Variants in DPP6 observed in about 807,000 individuals in gnomAD.
DPP6 encodes the protein dipeptidyl peptidase like 6.
Under a neutral mutation model 122.6 loss-of-function variants are expected in DPP6, and 69 were observed. The ratio of observed to expected loss-of-function variants is 0.56; its 90% CI spans 0.46 to 0.69. The LOEUF (loss-of-function observed/expected upper bound fraction) is 0.69, where lower values mean the gene tolerates loss of function less well. Ranked by LOEUF, DPP6 falls within the 30% of genes least tolerant of loss-of-function variation. DPP6 has a pLI of 0.00. For synonymous variants in DPP6, 418 were observed against 433.1 expected, an observed-to-expected ratio of 0.97 and a Z score of 0.43; for missense variants, 928 against 1,116.9, an observed-to-expected ratio of 0.83 and a Z score of 2.41.
intron 1 of DPP6, among the ~76,000 whole-genome samples, chr7:154,074,949 A>G (rs1803450311): frequency 6.6e-6 from 1 of 151,302 alleles, no homozygotes; most frequent in African/African-American, 2.4e-5. Flanking sequence ...ACTCAAACAA[A>G]TCAGCAAGAA....
intron 1 of DPP6, among the ~76,000 whole-genome samples, chr7:154,187,055 A>C (rs1798386110): frequency 6.6e-6 from 1 of 152,142 alleles, no homozygotes; most frequent in Non-Finnish European, 1.5e-5. Context: ...TCTGGTGAAA[A>C]AGCCTGTGTG....
At chr7:153,982,869 G>A (rs1206817909) in intron 1 of DPP6, among the ~76,000 whole-genome samples, 2 of 152,224 alleles carry the variant, frequency 1.3e-5, no homozygotes, top group Non-Finnish European at 2.9e-5. Context: ...GGTATCACCA[G>A]TGAAGGCTGC....
chr7:154,557,618 C>T (rs1410774995), intron 4 of DPP6, among the ~76,000 whole-genome samples: 2 of 152,114 alleles, frequency 1.3e-5, no homozygotes, highest in Non-Finnish European at 2.9e-5. Context: ...ACCCTCCTAA[C>T]ATAAACAACT....
chr7:154,061,954 C>CAT (rs1563155256), intron 1 of DPP6, among the ~76,000 whole-genome samples: 5 of 107,472 alleles, frequency 4.7e-5, no homozygotes, highest in African/African-American at 7.0e-5. Flanking sequence ...GGCAACCCTG[C>CAT]GAGGGTGGGG....
At chr7:154,386,669 G>A (rs537335630) in intron 1 of DPP6, among the ~76,000 whole-genome samples, 4 of 152,242 alleles carry the variant, frequency 2.6e-5, no homozygotes, top group African/African-American at 9.6e-5. Flanking sequence ...CTCTCCACTG[G>A]ATTACCCTGT....
chr7:154,511,066 G>A (rs1342784922), intron 3 of DPP6, among the ~76,000 whole-genome samples: 1 of 152,026 alleles, frequency 6.6e-6, no homozygotes, highest in East Asian at 1.9e-4. Flanking sequence ...CTCCAGTAAG[G>A]AATGTATTTT....
chr7:154,540,295 G>A (rs1174447446), intron 3 of DPP6, among the ~76,000 whole-genome samples: 1 of 152,142 alleles, frequency 6.6e-6, no homozygotes, highest in Non-Finnish European at 1.5e-5. Flanking sequence ...TGTTCCAAAG[G>A]TTTTCGGTGT....
At chr7:154,496,077 A>G (rs1190701028) in intron 3 of DPP6, among the ~76,000 whole-genome samples, 2 of 152,270 alleles carry the variant, frequency 1.3e-5, no homozygotes, top group Admixed American at 1.3e-4. Context: ...TTAAATTTTC[A>G]TAAAGAAGAA....
At position 154,857,782 on chromosome 7, in the gene DPP6, G is replaced by A. The variant is rs186768767; in HGVS notation, c.1714+3955G>A. The stretch of plus-strand genomic sequence containing the variant: ...GTCCACAGCATGTGGTTTGCGGGGG[G>A]ATGTGCATATCAGGCAGCCGACAAA... On this transcript the variant is annotated intron_variant, in intron 17 of 25. Transcript: ENST00000377770. Among the ~76,000 whole-genome samples, 1,047 of 152,296 alleles carry A rather than the reference G, an allele frequency of 6.9e-3. 9 individuals are homozygous for A. The highest frequency in any genetic ancestry group is 0.017 in the Middle Eastern group (5 of 294).
chr7:154,798,784 TG>T (rs1337366780), intron 12 of DPP6, among the ~76,000 whole-genome samples: 4 of 152,262 alleles, frequency 2.6e-5, no homozygotes, highest in Admixed American at 2.6e-4. Context: ...CTTATGACAT[TG>T]TTTTTTTCGT....
At chr7:153,998,356 G>C (rs1797539117) in intron 1 of DPP6, among the ~76,000 whole-genome samples, 1 of 152,118 alleles carries the variant, frequency 6.6e-6, no homozygotes, top group Non-Finnish European at 1.5e-5. Context: ...ATAAATCCTT[G>C]CTCTTCTCAG....
chr7:154,073,525 A>C (rs1306510001), intron 1 of DPP6, among the ~76,000 whole-genome samples: 2 of 152,252 alleles, frequency 1.3e-5, no homozygotes, highest in African/African-American at 4.8e-5. Flanking sequence ...CCACCAGCCC[A>C]GAAGACTCAA....
At chr7:153,929,777 T>C (rs1801090099) in intron 1 of DPP6, among the ~76,000 whole-genome samples, 5 of 152,180 alleles carry the variant, frequency 3.3e-5, no homozygotes, top group Admixed American at 3.3e-4. Flanking sequence ...TAAATTACTG[T>C]TTGAATTGTA....
chr7:154,562,016 G>A (rs1262756330), intron 4 of DPP6, among the ~76,000 whole-genome samples: 3 of 152,094 alleles, frequency 2.0e-5, no homozygotes, highest in South Asian at 4.1e-4. Flanking sequence ...AAACATTTAT[G>A]TAAGAAATAG....
intron 1 of DPP6, among the ~76,000 whole-genome samples, chr7:153,984,206 G>GT (rs1375980515): frequency 6.6e-6 from 1 of 151,990 alleles, no homozygotes; most frequent in Non-Finnish European, 1.5e-5. Context: ...TATCTCAATT[G>GT]TTAGGTCAGA....
intron 1 of DPP6, among the ~76,000 whole-genome samples, chr7:154,150,459 C>T (rs1796355654): frequency 6.6e-6 from 1 of 152,196 alleles, no homozygotes; most frequent in Admixed American, 6.5e-5. Context: ...TACTGAAAAA[C>T]AGAGCAAAAG....
At position 154,749,243 on chromosome 7, in the gene DPP6, A is replaced by C. The variant is rs79537239; in HGVS notation, c.884-20174A>C. Reference sequence around the variant, plus strand: ...CATAGGACAGGAGGGAGAGGGATGGAGGCTTTACTGAGAGAGGGTGAGGGA... The same window carrying C: ...CATAGGACAGGAGGGAGAGGGATGGCGGCTTTACTGAGAGAGGGTGAGGGA... On this transcript the variant is annotated intron_variant, in intron 8 of 25. Transcript: ENST00000377770. Among the ~76,000 whole-genome samples, 399 of 87,494 alleles carry C rather than the reference A, an allele frequency of 4.6e-3. 2 individuals are homozygous for C. The highest frequency in any genetic ancestry group is 0.013 in the African/African-American group (248 of 18,794). 57.4% of individuals were successfully genotyped at this position (87,494 alleles called of 152,430 possible). A position where few individuals can be genotyped will look rare whatever the true frequency, so the allele number is the denominator to read the frequency against.
At chr7:154,608,102 C>T in intron 5 of DPP6, among the ~76,000 whole-genome samples, 1 of 147,010 alleles carries the variant, frequency 6.8e-6, no homozygotes, top group African/African-American at 2.5e-5. Context: ...GCCTCAGCCT[C>T]CCAAGTAGCT....
chr7:154,701,245 C>G (rs1394289981), intron 7 of DPP6, among the ~76,000 whole-genome samples: 1 of 152,192 alleles, frequency 6.6e-6, no homozygotes, highest in African/African-American at 2.4e-5. Context: ...ACAGACTGGG[C>G]TTTCCAGGCC....
Sources: allele counts gnomAD v4.1 joint callset (sites outside exome capture counted in the v4.1 genomes callset), GRCh38; gene constraint gnomAD v4.1.1; transcripts MANE v1.5; gene names NCBI Gene and HGNC (gene_info 2026-07-23, HGNC 2026-07-21).